Variants in PCDH11X observed in about 807,000 individuals in gnomAD.
The protein encoded by PCDH11X is protocadherin 11 X-linked, also known as protocadherin-11 X-linked.
Under a neutral mutation model 53.3 loss-of-function variants are expected in PCDH11X, and 18 were observed. The ratio of observed to expected loss-of-function variants is 0.34; its 90% confidence interval spans 0.23 to 0.50. The LOEUF (loss-of-function observed/expected upper bound fraction) is 0.50. Ranked by LOEUF, PCDH11X falls within the 20% of genes least tolerant of loss-of-function variation. The pLI, the probability that PCDH11X is intolerant of heterozygous loss-of-function variation, is 0.98. For synonymous variants in PCDH11X, 279 were observed against 393.3 expected (o/e 0.71, Z 3.44); for missense variants, 570 against 1,032.4 (o/e 0.55, Z 6.14).
chrX:92,021,598 C>T lies in PCDH11X; in HGVS notation c.3033+142325C>T, dbSNP rs200497954. On this transcript the variant is annotated intron_variant, in intron 6 of 10. Transcript: ENST00000682573. The stretch of plus-strand genomic sequence containing the variant: ...TGAAACCAAGTTAGAAAACACACTT[C>T]GGGTTATTATCCAGGAGAACTTCCC... Among the ~76,000 whole-genome samples, 195 of 104,387 alleles carry T rather than the reference C, an allele frequency of 1.9e-3. 1 individual carries two copies. The East Asian group carries it at 0.02, about 11-fold the overall frequency. 90.6% of individuals were successfully genotyped at this position (104,387 alleles called of 115,157 possible).
intron 8 of PCDH11X, among the ~76,000 whole-genome samples, chrX:92,297,101 T>C (rs1362881126): frequency 3.8e-4 from 38 of 99,815 alleles, no homozygotes; most frequent in Admixed American, 6.8e-4. Context: ...GTAGGTGGCC[T>C]GTTTACTCTG....
rs151323295 is a variant in PCDH11X, at chrX:91,790,293, C to T, written c.-379+10609C>T. 7.4e-4 allele frequency among the ~76,000 whole-genome samples: 83 copies of T among 111,974 alleles called. No individual in the cohort carries two copies. In the East Asian group the frequency reaches 0.017, roughly 22 times the overall value. Reference sequence around the variant, plus strand: ...CTATTTCATGGACAGTTTGTACATACGATTATACCATTTCAAAAATGAAAA... The same window carrying T: ...CTATTTCATGGACAGTTTGTACATATGATTATACCATTTCAAAAATGAAAA... On this transcript the variant is annotated intron_variant, in intron 1 of 10. Coordinates refer to ENST00000682573, the MANE Select transcript of PCDH11X (RefSeq NM_032968.5).
intron 6 of PCDH11X, among the ~76,000 whole-genome samples, chrX:92,030,575 A>G (rs2063034552): frequency 9.2e-6 from 1 of 108,352 alleles, no homozygotes; most frequent in Non-Finnish European, 1.9e-5. Context: ...AGAAAATACT[A>G]GGTCTTATTC....
chrX:92,441,655 T>C (rs1299677898), intron 9 of PCDH11X, among the ~76,000 whole-genome samples: 1 of 112,429 alleles, frequency 8.9e-6, no homozygotes, highest in South Asian at 3.7e-4. Context: ...TGTATGGAAA[T>C]GCCTGGATGT....
intron 6 of PCDH11X, among the ~76,000 whole-genome samples, chrX:91,930,053 C>T (rs1942073348): frequency 9.1e-6 from 1 of 109,482 alleles, no homozygotes; most frequent in Non-Finnish European, 1.9e-5. Context: ...CATATATACA[C>T]GATCTCTCAG....
rs1569342128 is a variant in PCDH11X, at chrX:92,077,610, AAGGAAGGAAGGGAGGAAGGAAG to A, written c.3034-123764_3034-123743del. On this transcript the variant is annotated intron_variant, in intron 6 of 10. Coordinates refer to ENST00000682573, the MANE Select transcript of PCDH11X (RefSeq NM_032968.5). ...GCTTATATTAAATGTTTCAAAAAAG[AAGGAAGGAAGGGAGGAAGGAAG>A]GAAGGAAGGAAGGAAGGAAGGAAGG... 1.9e-3 allele frequency among the ~76,000 whole-genome samples: 153 copies of A among 82,675 alleles called. 1 individual carries two copies. The highest frequency in any genetic ancestry group is 7.1e-3 in the Middle Eastern group (1 of 141). 71.8% of individuals were successfully genotyped at this position (82,675 alleles called of 115,157 possible).
intron 6 of PCDH11X, among the ~76,000 whole-genome samples, chrX:92,009,607 G>T (rs2062655232): frequency 9.2e-6 from 1 of 108,863 alleles, no homozygotes; most frequent in Admixed American, 9.9e-5. Flanking sequence ...CTTTCAGAAA[G>T]ATTTGCCTTC....
chrX:92,558,122 A>G (rs1298422887), intron 10 of PCDH11X, among the ~76,000 whole-genome samples: 4 of 110,887 alleles, frequency 3.6e-5, no homozygotes, highest in Non-Finnish European at 5.7e-5. Flanking sequence ...GGAAACTACA[A>G]TTCAAAATGA....
chrX:92,430,095 C>A (rs2072217711), intron 9 of PCDH11X, among the ~76,000 whole-genome samples: 1 of 101,594 alleles, frequency 9.8e-6, no homozygotes, highest in Non-Finnish European at 2.1e-5. Flanking sequence ...GTGAAAATAT[C>A]ATTTAAATAA....
intron 6 of PCDH11X, among the ~76,000 whole-genome samples, chrX:92,139,602 T>C (rs990527651): frequency 9.0e-6 from 1 of 110,591 alleles, no homozygotes; most frequent in African/African-American, 3.3e-5. Context: ...TGCACGTAAA[T>C]GTACTTCACT....
intron 6 of PCDH11X, among the ~76,000 whole-genome samples, chrX:91,974,076 T>A (rs1236779582): frequency 1.8e-5 from 2 of 111,453 alleles, no homozygotes; most frequent in Non-Finnish European, 3.8e-5. Flanking sequence ...GGAAAAAAAT[T>A]TTTTTTATAT....
rs190038041 is a variant in PCDH11X, at chrX:92,301,558, C to T, written c.3144+38415C>T. On this transcript the variant is annotated intron_variant, in intron 8 of 10. Coordinates refer to ENST00000682573, the MANE Select transcript of PCDH11X (RefSeq NM_032968.5). ...TGGGGATCATGGGGTCTCCTGCTAC[C>T]AGGATTCCAGATGTCCGTGGCGAAA... Among the ~76,000 whole-genome samples, 219 of 110,938 alleles carry T rather than the reference C, an allele frequency of 2.0e-3. 2 individuals are homozygous for T. Among genetic ancestry groups the T allele is most frequent in the African/African-American group, 7.0e-3 (213 of 30,355 alleles).
chrX:91,882,309 A>G (rs2525217), intron 6 of PCDH11X, among the ~76,000 whole-genome samples: 12,149 of 109,314 alleles, frequency 0.11, 1,896 homozygotes, highest in African/African-American at 0.39. Context: ...ACCTTTCAAA[A>G]CAAGCAGATA....
intron 10 of PCDH11X, among the ~76,000 whole-genome samples, chrX:92,524,997 A>G (rs1427887071): frequency 8.9e-6 from 1 of 111,751 alleles, no homozygotes; most frequent in Non-Finnish European, 1.9e-5. Context: ...CTCAGTTAAT[A>G]TAAAACAGTG....
chrX:92,148,718 A>T (rs2148234835), intron 6 of PCDH11X, among the ~76,000 whole-genome samples: 1 of 107,892 alleles, frequency 9.3e-6, no homozygotes, highest in African/African-American at 3.4e-5. Context: ...TAATTTCAGG[A>T]ACTGGCCTTG....
intron 7 of PCDH11X, among the ~76,000 whole-genome samples, chrX:92,213,061 T>C (rs1428536321): frequency 8.9e-6 from 1 of 112,269 alleles, no homozygotes; most frequent in African/African-American, 3.2e-5. Context: ...ATTATGTTGT[T>C]GAAGGCCTTA....
intron 6 of PCDH11X, among the ~76,000 whole-genome samples, chrX:91,917,938 C>CT (rs1161588647): frequency 1.3e-4 from 13 of 103,399 alleles, no homozygotes; most frequent in Non-Finnish European, 2.0e-4. Flanking sequence ...TACTACAAGG[C>CT]TATAGTTACC....
chrX:92,193,985 G>A (rs748792690), intron 6 of PCDH11X, among the ~76,000 whole-genome samples: 1 of 111,878 alleles, frequency 8.9e-6, no homozygotes, highest in Non-Finnish European at 1.9e-5. Flanking sequence ...TGCATTCATA[G>A]CCATCTTTAA....
chrX:92,461,628 TATCCAGGAC>T (rs1427411177), intron 9 of PCDH11X, among the ~76,000 whole-genome samples: 1 of 111,837 alleles, frequency 8.9e-6, no homozygotes, highest in Non-Finnish European at 1.9e-5. Flanking sequence ...TTGGAGAAAC[TATCCAGGAC>T]ATTGGTCTTG....
Sources: allele counts gnomAD v4.1 joint callset (sites outside exome capture counted in the v4.1 genomes callset), GRCh38; gene constraint gnomAD v4.1.1; transcripts MANE v1.5; gene names NCBI Gene and HGNC (gene_info 2026-07-23, HGNC 2026-07-21).